SNX30: variants seen among roughly 807,000 people sequenced by gnomAD.
SNX30 encodes sorting nexin-30.
SNX30 carries 24 observed loss-of-function variants against 46.4 expected under a neutral mutation model. The ratio of observed to expected loss-of-function variants is 0.52; its 90% CI spans 0.37 to 0.73. SNX30 has a LOEUF of 0.73. Among genes scored for constraint, SNX30 ranks in the 30% least tolerant of loss-of-function variants. SNX30 has a pLI of 0.00. For missense variants in SNX30, 533 were observed against 555.7 expected (o/e 0.96, Z 0.41); for synonymous variants, 189 against 211.5 (o/e 0.89, Z 0.92).
At chr9:112,834,666 C>G (rs1840719298) in intron 4 of SNX30, among the ~76,000 whole-genome samples, 1 of 151,972 alleles carries the variant, frequency 6.6e-6, no homozygotes, top group Non-Finnish European at 1.5e-5. Context: ...GGACCTTAGT[C>G]AGAAAGGCTG....
At position 112,783,308 on chromosome 9, in the gene SNX30, T is replaced by C. The variant is rs557441211; in HGVS notation, c.157-21468T>C. On this transcript the variant is annotated intron_variant, in intron 1 of 8. Coordinates refer to ENST00000374232, the MANE Select transcript of SNX30 (RefSeq NM_001012994.2). Reference sequence around the variant, plus strand: ...TGAGTGACTTCTTGTCTTTTAACTTTCCTGGTCTGTAACCTGTTCTCTTAA... The same window carrying C: ...TGAGTGACTTCTTGTCTTTTAACTTCCCTGGTCTGTAACCTGTTCTCTTAA... Among the ~76,000 whole-genome samples, 5 of 152,342 alleles carry C rather than the reference T, an allele frequency of 3.3e-5. No individual in the cohort carries two copies. The South Asian group carries it at 8.3e-4, about 25-fold the overall frequency.
chr9:112,851,141 CT>C (rs1237792126), intron 7 of SNX30, among the ~76,000 whole-genome samples, 196 bp downstream of exon 7: 1 of 152,224 alleles, frequency 6.6e-6, no homozygotes, highest in Non-Finnish European at 1.5e-5. Flanking sequence ...GAGTTTTCCA[CT>C]GTTTCCTGGG....
chr9:112,879,462 TGG>T, downstream of SNX30: 1 of 298,490 alleles, frequency 3.4e-6, no homozygotes, highest in South Asian at 8.6e-5. Context: ...TCACAGGGCC[TGG>T]GACTGCTGTG....
intron 4 of SNX30, among the ~76,000 whole-genome samples, chr9:112,835,628 C>A (rs1218571428): frequency 6.6e-6 from 1 of 152,096 alleles, no homozygotes; most frequent in Non-Finnish European, 1.5e-5. Flanking sequence ...GGCTAATAAG[C>A]TTTATATTTA....
At chr9:112,807,052 C>CTTTTTTTTTTTTTTTTTTTTTTT (rs10554051) in intron 2 of SNX30, among the ~76,000 whole-genome samples, 1 of 63,006 alleles carries the variant, frequency 1.6e-5, no homozygotes. Flanking sequence ...TCTTTTCTAT[C>CTTTTTTTTTTTTTTTTTTTTTTT]TTTTTTTTTT....
chr9:112,866,913 GCCTCCTCAGAACTCCTCCCA>G (rs1564297838), intron 8 of SNX30, among the ~76,000 whole-genome samples: 2 of 26,824 alleles, frequency 7.5e-5, no homozygotes, highest in African/African-American at 1.7e-4. Flanking sequence ...AATTCCTCCT[GCCTCCTCAGAACTCCTCCCA>G]CCTCCTCAGA....
downstream of SNX30, among the ~76,000 whole-genome samples, chr9:112,883,073 G>T (rs902869536): frequency 5.9e-5 from 9 of 152,198 alleles, no homozygotes; most frequent in Non-Finnish European, 1.0e-4. Flanking sequence ...CAGGTCAACG[G>T]ATGCAGCTAA....
chr9:112,759,454 G>A (rs531848462), intron 1 of SNX30, among the ~76,000 whole-genome samples: 123 of 152,240 alleles, frequency 8.1e-4, no homozygotes, highest in African/African-American at 2.8e-3. Context: ...CACGGGCCAG[G>A]CATGGTGGCT....
intron 6 of SNX30, among the ~76,000 whole-genome samples, chr9:112,846,404 T>C (rs1033640188): frequency 2.6e-5 from 4 of 152,170 alleles, no homozygotes; most frequent in Admixed American, 2.0e-4. Context: ...CCCCAGGACA[T>C]CTAACTCGCA....
chr9:112,867,780 C>T (rs1443563802), intron 8 of SNX30, among the ~76,000 whole-genome samples: 3 of 146,010 alleles, frequency 2.1e-5, no homozygotes, highest in Non-Finnish European at 4.5e-5. Context: ...ACCCCTCCTG[C>T]CTTCTCAGAA....
intron 2 of SNX30, among the ~76,000 whole-genome samples, chr9:112,813,461 T>C (rs1840349144): frequency 7.3e-6 from 1 of 137,186 alleles, no homozygotes; most frequent in Non-Finnish European, 1.5e-5. Context: ...CCTGGGGGAC[T>C]GTATTTAATT....
At chr9:112,790,417 G>A (rs997137478) in intron 1 of SNX30, among the ~76,000 whole-genome samples, 4 of 152,122 alleles carry the variant, frequency 2.6e-5, no homozygotes, top group Non-Finnish European at 5.9e-5. Context: ...CAGCTTCTCT[G>A]GCCCTCTCCT....
At chr9:112,834,374 G>A (rs779754287) in intron 4 of SNX30, among the ~76,000 whole-genome samples, 9 of 152,130 alleles carry the variant, frequency 5.9e-5, no homozygotes, top group Non-Finnish European at 1.2e-4. Flanking sequence ...GGCTTCCCGT[G>A]ACCTCTTCTT....
chr9:112,832,471 TG>T (rs1840678043), intron 4 of SNX30, among the ~76,000 whole-genome samples: 1 of 100,524 alleles, frequency 9.9e-6, no homozygotes, highest in Non-Finnish European at 2.0e-5. Context: ...TGTGTGTGTG[TG>T]TGTGTGTGTG....
intron 1 of SNX30, among the ~76,000 whole-genome samples, chr9:112,764,712 C>T (rs1477330467): frequency 2.6e-5 from 4 of 152,212 alleles, no homozygotes; most frequent in Admixed American, 2.6e-4. Flanking sequence ...TTCAGTAGGG[C>T]TTTGGCTCAC....
intron 1 of SNX30, among the ~76,000 whole-genome samples, chr9:112,775,779 GTCT>G (rs1473987545): frequency 2.3e-5 from 3 of 132,882 alleles, no homozygotes; most frequent in Non-Finnish European, 3.1e-5. Flanking sequence ...CCTATGTGTA[GTCT>G]TTTTTTTTTT....
At chr9:112,854,532 C>G (rs139726772) in intron 7 of SNX30, among the ~76,000 whole-genome samples, 134 of 152,362 alleles carry the variant, frequency 8.8e-4, no homozygotes, top group African/African-American at 3.1e-3. Flanking sequence ...TCTTCACCTT[C>G]CCTCTTCCTG....
chr9:112,860,129 G>T (rs1412790759), intron 7 of SNX30, among the ~76,000 whole-genome samples: 2 of 151,862 alleles, frequency 1.3e-5, no homozygotes, highest in African/African-American at 4.8e-5. Context: ...TGTATTTTCA[G>T]TACAGACAGG....
intron 6 of SNX30, among the ~76,000 whole-genome samples, chr9:112,844,418 G>T (rs1196650169): frequency 6.6e-6 from 1 of 152,206 alleles, no homozygotes; most frequent in African/African-American, 2.4e-5. Flanking sequence ...GGAGTCATTA[G>T]TGTATGAATG....
Sources: allele counts gnomAD v4.1 joint callset (sites outside exome capture counted in the v4.1 genomes callset), GRCh38; gene constraint gnomAD v4.1.1; transcripts MANE v1.5; gene names NCBI Gene and HGNC (gene_info 2026-07-23, HGNC 2026-07-21).